CYGB: variants seen among roughly 807,000 people sequenced by gnomAD.
CYGB encodes cytoglobin.
CYGB carries 13 observed loss-of-function variants against 20.7 expected under a neutral mutation model. The ratio of observed to expected loss-of-function variants is 0.63; its 90% CI spans 0.41 to 1.00. CYGB has a LOEUF of 1.00. Among genes scored for constraint, CYGB ranks in the 50% least tolerant of loss-of-function variants. CYGB has a pLI of 0.00. For synonymous variants in CYGB, 93 were observed against 107.4 expected (o/e 0.87, Z 0.83); for missense variants, 218 against 257.2 (o/e 0.85, Z 1.04).
chr17:76,529,978 G>A (rs1415186683), intron 3 of CYGB: 1 of 985,224 alleles, frequency 1.0e-6, no homozygotes, highest in Non-Finnish European at 1.2e-6. Context: ...CAGGAGGCCT[G>A]GCGTCCCCAG....
chr17:76,549,951 GTTTGTTT>G (rs2075090851), intron 1 of CYGB: 1 of 152,010 alleles, frequency 6.6e-6, no homozygotes, highest in Admixed American at 6.6e-5. Flanking sequence ...TTGTTTTTTT[GTTTGTTT>G]TTTTTTCTTT....
At chr17:76,538,408 T>C (rs986348549), upstream of CYGB, 2 of 425,342 alleles carry the variant, frequency 4.7e-6, no homozygotes, top group Non-Finnish European at 9.8e-6. Flanking sequence ...GCCAGAGGCC[T>C]GCGCCCCCTC....
At chr17:76,544,661 G>A in intron 1 of CYGB, 1 of 456,780 alleles carries the variant, frequency 2.2e-6, no homozygotes, top group Non-Finnish European at 4.4e-6. Context: ...GGAGGCATCG[G>A]CCTTCCTGGT....
Position 76,528,750 on chromosome 17 carries a change from G to T in CYGB, c.540-139C>A. ...GCACAGTGCAGTTGAAAGCAACCGT[G>T]AGACCCAAGTTCTAGTCTCCGTCCT... On this transcript the variant is annotated intron_variant, in intron 3 of 3. Coordinates refer to ENST00000293230, the MANE Select transcript of CYGB (RefSeq NM_134268.5). This position sits in a 1 kb window ranked among gnomAD's most constrained non-coding sequence, Gnocchi z 5.8. The T allele has an allele frequency of 9.6e-7, 1 of 1,036,658 alleles. No individual in the cohort carries two copies. Among genetic ancestry groups the T allele is most frequent in the East Asian group, 3.3e-5 (1 of 30,738 alleles). The allele number at this position is 1,036,658 out of a possible 1,614,324, so 64.2% of individuals were successfully genotyped here.
chr17:76,540,261 G>T (rs769134763), upstream of CYGB: 3 of 826,466 alleles, frequency 3.6e-6, no homozygotes, highest in African/African-American at 1.6e-5. The surrounding 1 kb of genome is among the most constrained non-coding windows in gnomAD (Gnocchi z 5.0). Context: ...CGGGGGGGGG[G>T]GGCATGGGGC....
At chr17:76,549,161 G>A (rs771612694) in intron 1 of CYGB, among the ~76,000 whole-genome samples, 9 of 152,144 alleles carry the variant, frequency 5.9e-5, no homozygotes, top group Non-Finnish European at 5.9e-5. Flanking sequence ...CTCTGCTCTT[G>A]GAAAGACTAG....
At chr17:76,543,524 AAC>A (rs1567912669) in intron 1 of CYGB, 2 of 349,348 alleles carry the variant, frequency 5.7e-6, no homozygotes, top group Admixed American at 3.8e-5. Context: ...TAAATGGGGA[AAC>A]ACAGAGACAG....
rs536157224 is a variant in CYGB at position 76,527,367 on chromosome 17, C to T, written c.*1211G>A. On this transcript the variant is annotated 3_prime_UTR_variant, in exon 4 of 4. Coordinates refer to ENST00000293230, the MANE Select transcript of CYGB (RefSeq NM_134268.5). ...CGAGTGTGCACAGGTACAGCAAGAA[C>T]GGGTCTGTTTAATGACACAGCTGGG... 23 of 353,192 alleles carry T rather than the reference C, an allele frequency of 6.5e-5. No individual in the cohort carries two copies. In the East Asian group the frequency reaches 1.1e-3, roughly 17 times the overall value. 21.9% of individuals were successfully genotyped at this position (353,192 alleles called of 1,614,324 possible).
In CYGB at chr17:76,546,723, A is replaced by G. The variant is rs953132820; in HGVS notation, c.-53+4139T>C. 1 of 152,244 alleles carries G rather than the reference A, an allele frequency of 6.6e-6. No homozygotes were observed. Among genetic ancestry groups the G allele is most frequent in the Non-Finnish European group, 1.5e-5 (1 of 68,046 alleles). 9.4% of individuals were successfully genotyped at this position (152,244 alleles called of 1,614,324 possible). On this transcript the variant is annotated intron_variant, in intron 1 of 3. Transcript: ENST00000589145. This position sits in a 1 kb window ranked among gnomAD's most constrained non-coding sequence, Gnocchi z 4.5. ...TTCGCACGGAAGCTTATGTTAACAT[A>G]ATGATGATACTAATCGTATGATTAA... is the stretch of plus-strand genomic sequence containing the variant.
chr17:76,544,760 G>A (rs1359667026), intron 1 of CYGB: 1 of 456,676 alleles, frequency 2.2e-6, no homozygotes, highest in Non-Finnish European at 4.4e-6. Context: ...TTCTCTATTT[G>A]CCATGTTCCT....
In CYGB at chr17:76,533,704, CAG is replaced by C. The variant is rs2074876903; in HGVS notation, c.144-2015_144-2014del. On this transcript the variant is annotated intron_variant, in intron 1 of 3. Transcript: ENST00000293230. This position sits in a 1 kb window ranked among gnomAD's most constrained non-coding sequence, Gnocchi z 4.5. ...TGCCATTGCACTCCAGCCTGGGTGA[CAG>C]AGTGAGACCCTGAATCCAAAGAAAT... Among the ~76,000 whole-genome samples the C allele has an allele frequency of 6.6e-6, 1 of 151,970 alleles. No individual in the cohort carries two copies. Among genetic ancestry groups the C allele is most frequent in the African/African-American group, 2.4e-5 (1 of 41,334 alleles).
At chr17:76,542,584 T>G, upstream of CYGB, 1 of 1,614,092 alleles carries the variant, frequency 6.2e-7, no homozygotes, top group Non-Finnish European at 8.5e-7. Flanking sequence ...AGCCCTCACC[T>G]CTGCAGGTGG....
At chr17:76,542,258 G>C (rs2075000753), upstream of CYGB, among the ~76,000 whole-genome samples, 2 of 152,168 alleles carry the variant, frequency 1.3e-5, no homozygotes, top group Admixed American at 1.3e-4. Context: ...GGCCTGGCGT[G>C]ACTTAGCCAG....
Position 76,530,858 on chromosome 17 carries a change from C to T in CYGB, c.539+121G>A. The T allele has an allele frequency of 8.5e-7, 1 of 1,180,378 alleles. No homozygotes were observed. Among genetic ancestry groups the T allele is most frequent in the South Asian group, 1.7e-5 (1 of 59,398 alleles). 73.1% of individuals were successfully genotyped at this position (1,180,378 alleles called of 1,614,324 possible). On this transcript the variant is annotated intron_variant, in intron 3 of 3. Coordinates refer to ENST00000293230, the MANE Select transcript of CYGB (RefSeq NM_134268.5). This position sits in a 1 kb window ranked among gnomAD's most constrained non-coding sequence, Gnocchi z 6.1. ...TTACATGTCAGACCCCAGGGTTGGC[C>T]TGCCTCAAGTGTGCCTGCCCAGGTG... is the stretch of plus-strand genomic sequence containing the variant.
At position 76,527,577 on chromosome 17, in the gene CYGB, C is replaced by G. The variant is rs762882409; in HGVS notation, c.*1001G>C. 4.5e-6 allele frequency: 2 copies of G among 448,398 alleles called. No homozygotes were observed. Among genetic ancestry groups the G allele is most frequent in the African/African-American group, 2.0e-5 (1 of 49,816 alleles). 27.8% of individuals were successfully genotyped at this position (448,398 alleles called of 1,614,324 possible). A position where few individuals can be genotyped will look rare whatever the true frequency, so the allele number is the denominator to read the frequency against. ...CGGGGGGCCCCCCTGGCAAGCCTGA[C>G]GCAGATGAATAGACAGGGCCGACTG... On this transcript the variant is annotated 3_prime_UTR_variant, in exon 4 of 4. Coordinates refer to ENST00000293230, the MANE Select transcript of CYGB (RefSeq NM_134268.5).
intron 1 of CYGB, among the ~76,000 whole-genome samples, chr17:76,536,005 C>G (rs2143113645): frequency 6.6e-6 from 1 of 152,306 alleles, no homozygotes; most frequent in Non-Finnish European, 1.5e-5. Context: ...AGGACGCAGT[C>G]TGGCACATCT....
chr17:76,549,019 C>T (rs542992197), intron 1 of CYGB, among the ~76,000 whole-genome samples: 3 of 152,314 alleles, frequency 2.0e-5, no homozygotes, highest in Admixed American at 6.5e-5. Context: ...AGGATATACA[C>T]ACAGATCAAT....
Position 76,531,279 on chromosome 17 carries a change from C to G in CYGB, c.376-137G>C. On this transcript the variant is annotated intron_variant, in intron 2 of 3. Coordinates refer to ENST00000293230, the MANE Select transcript of CYGB (RefSeq NM_134268.5). The surrounding 1 kb of genome is among the most constrained non-coding windows in gnomAD (Gnocchi z 7.4). ...CTGGCAGCTTTGGGAACCCCGTGCTCTCAGGACAAGGGTTGCCCTGGACCC... is the reference window on the plus strand; with the variant it reads ...CTGGCAGCTTTGGGAACCCCGTGCTGTCAGGACAAGGGTTGCCCTGGACCC... 8.1e-6 allele frequency: 10 copies of G among 1,228,162 alleles called. No individual in the cohort carries two copies. The highest frequency in any genetic ancestry group is 1.1e-5 in the Non-Finnish European group (10 of 883,312). 76.1% of individuals were successfully genotyped at this position (1,228,162 alleles called of 1,614,324 possible). A position where few individuals can be genotyped will look rare whatever the true frequency, so the allele number is the denominator to read the frequency against.
In CYGB at chr17:76,527,816, C is replaced by T. The variant is rs2074785134; in HGVS notation, c.*762G>A. The T allele has an allele frequency of 6.6e-6, 3 of 453,968 alleles. No individual in the cohort carries two copies. Among genetic ancestry groups the T allele is most frequent in the South Asian group, 4.7e-5 (3 of 64,472 alleles). 28.1% of individuals were successfully genotyped at this position (453,968 alleles called of 1,614,324 possible). A position where few individuals can be genotyped will look rare whatever the true frequency, so the allele number is the denominator to read the frequency against. The stretch of plus-strand genomic sequence containing the variant: ...CACCCAGAACTTCGCTCTGCCCCTG[C>T]CCATTCTAGGACAGCCGGTGAGTCA... On this transcript the variant is annotated 3_prime_UTR_variant, in exon 4 of 4. Coordinates refer to ENST00000293230, the MANE Select transcript of CYGB (RefSeq NM_134268.5).
Sources: allele counts gnomAD v4.1 joint callset (sites outside exome capture counted in the v4.1 genomes callset), GRCh38; gene constraint gnomAD v4.1.1; non-coding constraint Gnocchi (gnomAD v3.1); transcripts MANE v1.5; gene names NCBI Gene and HGNC (gene_info 2026-07-23, HGNC 2026-07-21).